Variants in DLG2 observed in about 807,000 individuals in gnomAD.
DLG2 encodes the protein disks large homolog 2.
In DLG2, 45 loss-of-function variants were observed where a neutral mutation model predicts 132.5. That is an observed-to-expected ratio of 0.34 (90% CI 0.27 to 0.44). The LOEUF (loss-of-function observed/expected upper bound fraction) is 0.44, where lower values mean the gene tolerates loss of function less well. Among genes scored for constraint, DLG2 ranks in the 20% least tolerant of loss-of-function variants. The probability of loss-of-function intolerance (pLI) is 1.00; values close to 1 mark genes in which losing one functional copy is unlikely to be tolerated. For missense variants in DLG2, 1,045 were observed against 1,196.9 expected (o/e 0.87, Z 1.87); for synonymous variants, 424 against 419.6 (o/e 1.01, Z -0.13).
intron 7 of DLG2, among the ~76,000 whole-genome samples, chr11:84,442,100 G>A (rs1023053283): frequency 1.5e-4 from 23 of 152,174 alleles, no homozygotes; most frequent in Non-Finnish European, 2.2e-4. Context: ...CGGCTATACA[G>A]GCTCTTTTTT....
chr11:85,159,918 AT>A (rs1469510870), intron 4 of DLG2, among the ~76,000 whole-genome samples: 1 of 152,162 alleles, frequency 6.6e-6, no homozygotes, highest in African/African-American at 2.4e-5. Flanking sequence ...CATTATGCTG[AT>A]TGGATCCAGT....
chr11:85,625,549 G>A (rs2081986529), intron 2 of DLG2, among the ~76,000 whole-genome samples: 1 of 152,216 alleles, frequency 6.6e-6, no homozygotes, highest in African/African-American at 2.4e-5. Context: ...GCTTGGATAA[G>A]GCATCTCAGT....
chr11:84,716,275 T>C (rs2061215593), intron 6 of DLG2, among the ~76,000 whole-genome samples: 1 of 152,116 alleles, frequency 6.6e-6, no homozygotes, highest in Non-Finnish European at 1.5e-5. Context: ...TTCAATTACA[T>C]CTTCCTTTTA....
chr11:85,299,178 A>C (rs2079432413), intron 3 of DLG2, among the ~76,000 whole-genome samples: 1 of 152,130 alleles, frequency 6.6e-6, no homozygotes, highest in African/African-American at 2.4e-5. Context: ...CCTATGAGAT[A>C]GGTATTATTT....
chr11:84,236,835 GGA>G (rs2097163851), intron 8 of DLG2, among the ~76,000 whole-genome samples: 1 of 152,052 alleles, frequency 6.6e-6, no homozygotes, highest in Non-Finnish European at 1.5e-5. Flanking sequence ...TTTATCACTT[GGA>G]GAGATTTTTT....
chr11:84,071,899 G>A (rs926841077), intron 10 of DLG2, among the ~76,000 whole-genome samples: 1 of 152,178 alleles, frequency 6.6e-6, no homozygotes, highest in East Asian at 1.9e-4. Flanking sequence ...AATCAGAGCC[G>A]AGCCTGCTGC....
chr11:84,349,232 G>A lies in DLG2; in HGVS notation c.520-97941C>T, dbSNP rs764947350. The stretch of plus-strand genomic sequence containing the variant: ...TTTCATCTTATTAGTAAAGCCAGAA[G>A]TAGGGGTGCTGGGGACAGAATATTG... On this transcript the variant is annotated intron_variant, in intron 7 of 27. Transcript: ENST00000376104. Among the ~76,000 whole-genome samples the A allele has an allele frequency of 3.9e-5, 6 of 152,228 alleles. No homozygotes were observed. In the Middle Eastern group the frequency reaches 0.01, roughly 259 times the overall value.
At chr11:85,362,258 T>G (rs2084212486) in intron 3 of DLG2, among the ~76,000 whole-genome samples, 1 of 152,206 alleles carries the variant, frequency 6.6e-6, no homozygotes, top group Non-Finnish European at 1.5e-5. Context: ...CCCAGCCTCC[T>G]GTGATTTGTT....
At chr11:84,219,940 T>C (rs554267805) in intron 8 of DLG2, among the ~76,000 whole-genome samples, 2 of 152,298 alleles carry the variant, frequency 1.3e-5, no homozygotes, top group East Asian at 1.9e-4. Flanking sequence ...TAAAAAACAA[T>C]TATGGGGAAA....
In DLG2 at chr11:84,475,801, C is replaced by T. The variant is rs948469116; in HGVS notation, c.519+58769G>A. 6.6e-5 allele frequency among the ~76,000 whole-genome samples: 10 copies of T among 152,058 alleles called. 1 individual carries two copies. Among genetic ancestry groups the T allele is most frequent in the Admixed American group, 3.3e-4 (5 of 15,246 alleles). On this transcript the variant is annotated intron_variant, in intron 7 of 27. Transcript: ENST00000376104. ...CAAGCTGTTGTGTGCCCAAAGAAACCCACCTGGGGATAAGTGAAAACAGAA... is the reference window on the plus strand; with the variant it reads ...CAAGCTGTTGTGTGCCCAAAGAAACTCACCTGGGGATAAGTGAAAACAGAA...
chr11:84,587,424 T>A (rs1419770336), intron 6 of DLG2, among the ~76,000 whole-genome samples: 2 of 152,214 alleles, frequency 1.3e-5, no homozygotes, highest in Non-Finnish European at 2.9e-5. Context: ...CAAAATTTAT[T>A]TATTATCATT....
chr11:84,739,658 C>G (rs1358665185), intron 6 of DLG2, among the ~76,000 whole-genome samples: 2 of 152,130 alleles, frequency 1.3e-5, no homozygotes, highest in African/African-American at 4.8e-5. Flanking sequence ...AACTACCTGG[C>G]TAAGGAACCT....
chr11:83,888,744 G>A (rs2068743892), intron 15 of DLG2, among the ~76,000 whole-genome samples: 1 of 152,086 alleles, frequency 6.6e-6, no homozygotes, highest in African/African-American at 2.4e-5. Flanking sequence ...CATGGTACTG[G>A]TACCAAAACA....
intron 7 of DLG2, among the ~76,000 whole-genome samples, chr11:84,293,838 C>T (rs532134171): frequency 6.6e-6 from 1 of 152,206 alleles, no homozygotes; most frequent in African/African-American, 2.4e-5. Context: ...ATACTCATAC[C>T]TAATTTAAAA....
chr11:83,906,232 G>GTCTCTCTCTC (rs144862801), intron 15 of DLG2, among the ~76,000 whole-genome samples: 76 of 71,670 alleles, frequency 1.1e-3, no homozygotes, highest in African/African-American at 3.1e-3. Context: ...TATAGTAGAT[G>GTCTCTCTCTC]TCTCTCTCTC....
chr11:84,242,400 C>G (rs2097242125), intron 8 of DLG2, among the ~76,000 whole-genome samples: 1 of 151,670 alleles, frequency 6.6e-6, no homozygotes, highest in Admixed American at 6.6e-5. Flanking sequence ...TCATCCCAAT[C>G]TAAATAGAAC....
intron 18 of DLG2, among the ~76,000 whole-genome samples, chr11:83,675,754 C>A (rs76027933): frequency 6.6e-6 from 1 of 152,258 alleles, no homozygotes; most frequent in African/African-American, 2.4e-5. Context: ...ATAGTGCCAA[C>A]GTAAAGATAG....
intron 6 of DLG2, among the ~76,000 whole-genome samples, chr11:84,550,189 C>A (rs1039875671): frequency 2.6e-5 from 4 of 152,024 alleles, no homozygotes; most frequent in Non-Finnish European, 5.9e-5. Context: ...TCAGCCTTAT[C>A]ACCATTACAG....
At chr11:85,175,740 A>C (rs538433317) in intron 4 of DLG2, among the ~76,000 whole-genome samples, 45 of 152,300 alleles carry the variant, frequency 3.0e-4, no homozygotes, top group African/African-American at 1.1e-3. Flanking sequence ...AAAGTATCTT[A>C]AGCTGATAAG....
Sources: gnomAD v4.1 joint callset for allele counts (sites outside exome capture counted in the v4.1 genomes callset) on GRCh38, gnomAD v4.1.1 for gene constraint, MANE v1.5 for transcripts, NCBI Gene and HGNC (gene_info 2026-07-23, HGNC 2026-07-21) for gene names.